HGD: variants seen among roughly 807,000 people sequenced by gnomAD.
HGD encodes the protein homogentisate oxidase.
HGD carries 61 observed loss-of-function variants against 60.8 expected under a neutral mutation model. The observed-to-expected ratio is 1.00, with a 90% CI of 0.82 to 1.24. The LOEUF (loss-of-function observed/expected upper bound fraction) is 1.24, where lower values mean the gene tolerates loss of function less well. HGD is among the 50% of genes most tolerant of loss of function. HGD has a pLI of 0.00. For missense variants in HGD, 542 were observed against 547.1 expected, an observed-to-expected ratio of 0.99 and a Z score of 0.09; for synonymous variants, 212 against 187.7, an observed-to-expected ratio of 1.13 and a Z score of -1.06.
chr3:120,634,190 A>C (rs1940684882), intron 12 of HGD, among the ~76,000 whole-genome samples: 1 of 152,148 alleles, frequency 6.6e-6, no homozygotes, highest in Admixed American at 6.5e-5. Flanking sequence ...ATTATTGAAG[A>C]GCTCTGTGTG....
At chr3:120,646,722 G>C (rs1393639963) in intron 8 of HGD, among the ~76,000 whole-genome samples, 1 of 151,742 alleles carries the variant, frequency 6.6e-6, no homozygotes, top group African/African-American at 2.4e-5. Context: ...CTTATCCAGA[G>C]TATATGTAAA....
chr3:120,679,186 T>C (rs1379698560), intron 1 of HGD, among the ~76,000 whole-genome samples: 3 of 152,220 alleles, frequency 2.0e-5, no homozygotes, highest in Admixed American at 6.5e-5. Flanking sequence ...AATTCTCACC[T>C]GGTCCCCAGG....
intron 1 of HGD, among the ~76,000 whole-genome samples, chr3:120,676,251 A>G (rs1402548903): frequency 6.6e-6 from 1 of 152,222 alleles, no homozygotes; most frequent in African/African-American, 2.4e-5. Flanking sequence ...AACCCTCTCC[A>G]AACTAGCCTT....
rs147860376 is a variant in HGD at position 120,677,422 on chromosome 3, G to A, written c.16-1559C>T. Among the ~76,000 whole-genome samples the A allele has an allele frequency of 4.8e-3, 729 of 152,158 alleles. 8 individuals are homozygous for A. The highest frequency in any genetic ancestry group is 0.017 in the African/African-American group (691 of 41,504). On this transcript the variant is annotated intron_variant, in intron 1 of 13. Coordinates refer to ENST00000283871, the MANE Select transcript of HGD (RefSeq NM_000187.4). ...TTATAAACAGCCCCCCTCCAGGTGC[G>A]CCTGTCTCTTATGGTCGAGACTGCA...
chr3:120,649,100 C>A (rs536414895), intron 6 of HGD, among the ~76,000 whole-genome samples: 1 of 150,532 alleles, frequency 6.6e-6, no homozygotes, highest in Non-Finnish European at 1.5e-5. Flanking sequence ...TTCACAGGTC[C>A]ATTCTAAAGG....
At chr3:120,638,407 T>C in intron 12 of HGD, 48 bp downstream of exon 12, 1 of 1,611,996 alleles carries the variant, frequency 6.2e-7, no homozygotes, top group East Asian at 2.2e-5. Flanking sequence ...CTCACTGCTT[T>C]GTTGTCTCTT....
At chr3:120,670,644 A>G (rs17140269) in intron 3 of HGD, 112 bp from the exon 4 acceptor site, 309,262 of 750,350 alleles carry the variant, frequency 0.41, 66,572 homozygotes, top group African/African-American at 0.61. Context: ...AACGACCTGT[A>G]GGCTCTAATG....
intron 11 of HGD, 40 bp from the exon 12 acceptor site, chr3:120,638,621 G>A: frequency 1.2e-6 from 2 of 1,611,646 alleles, no homozygotes; most frequent in Non-Finnish European, 8.5e-7. Context: ...ATGATGCAAG[G>A]GAAGTGACTG....
chr3:120,663,937 A>G (rs1037414021), intron 4 of HGD, among the ~76,000 whole-genome samples: 9 of 77,830 alleles, frequency 1.2e-4, no homozygotes, highest in Non-Finnish European at 2.3e-4. Flanking sequence ...TATATATGTA[A>G]CTGATTTTTT....
chr3:120,662,132 G>A (rs1253630724), intron 4 of HGD, among the ~76,000 whole-genome samples: 2 of 152,176 alleles, frequency 1.3e-5, no homozygotes, highest in Non-Finnish European at 2.9e-5. Flanking sequence ...TGAGTGGAGA[G>A]TCTGAAAGGC....
At chr3:120,629,974 C>T (rs1940532364) in intron 13 of HGD, among the ~76,000 whole-genome samples, 1 of 152,142 alleles carries the variant, frequency 6.6e-6, no homozygotes, top group Admixed American at 6.5e-5. Flanking sequence ...TTCCTATACA[C>T]CAACAACAGT....
chr3:120,681,336 A>T (rs1456929022), intron 1 of HGD, among the ~76,000 whole-genome samples: 2 of 152,216 alleles, frequency 1.3e-5, no homozygotes, highest in Non-Finnish European at 2.9e-5. Flanking sequence ...GGTTTTAGAT[A>T]TTAGGGACAT....
chr3:120,649,644 G>A (rs1463962370), intron 6 of HGD, among the ~76,000 whole-genome samples: 2 of 152,136 alleles, frequency 1.3e-5, no homozygotes, highest in African/African-American at 2.4e-5. Context: ...TGAAGAGAAA[G>A]GGCATTTTGT....
At chr3:120,643,834 G>C (rs1559786528) in intron 10 of HGD, among the ~76,000 whole-genome samples, 1 of 152,104 alleles carries the variant, frequency 6.6e-6, no homozygotes, top group African/African-American at 2.4e-5. Flanking sequence ...TGCCAGCCTG[G>C]TGGTACAAAC....
intron 1 of HGD, among the ~76,000 whole-genome samples, chr3:120,676,519 A>C (rs1708134152): frequency 6.6e-6 from 1 of 152,140 alleles, no homozygotes; most frequent in Non-Finnish European, 1.5e-5. Flanking sequence ...AACACTCAAC[A>C]CACTTGTGAG....
chr3:120,663,120 T>G (rs1417505449), intron 4 of HGD, among the ~76,000 whole-genome samples: 3 of 152,190 alleles, frequency 2.0e-5, no homozygotes, highest in Non-Finnish European at 4.4e-5. Context: ...CCCAGTATCT[T>G]TTTGTTATGA....
At chr3:120,641,516 T>C in intron 11 of HGD, 73 bp downstream of exon 11, 2 of 879,054 alleles carry the variant, frequency 2.3e-6, no homozygotes, top group South Asian at 2.6e-5. Context: ...TCTGTAAATG[T>C]CAGGGGTCTA....
intron 10 of HGD, among the ~76,000 whole-genome samples, chr3:120,643,461 C>G (rs1007670170): frequency 6.6e-6 from 1 of 152,184 alleles, no homozygotes; most frequent in East Asian, 1.9e-4. Flanking sequence ...TTGAGGATTT[C>G]TGATGCAAAT....
chr3:120,646,265 A>G lies in HGD; in HGVS notation c.649+2T>C, dbSNP rs1057516307. On this transcript the variant is annotated splice_donor_variant, in intron 9 of 13. Coordinates refer to ENST00000283871, the MANE Select transcript of HGD (RefSeq NM_000187.4). LOFTEE classifies it high-confidence loss of function. ...GCTTAGAGGCTTGTAATGAAGATTT[A>G]CCAATTGGTCCAAGGTCAGGTAACT... The G allele has an allele frequency of 1.3e-6, 2 of 1,572,392 alleles. No homozygotes were observed. Among genetic ancestry groups the G allele is most frequent in the Non-Finnish European group, 8.8e-7 (1 of 1,142,002 alleles).
Sources: allele counts gnomAD v4.1 joint callset (sites outside exome capture counted in the v4.1 genomes callset), GRCh38; gene constraint gnomAD v4.1.1; transcripts MANE v1.5; gene names NCBI Gene and HGNC (gene_info 2026-07-23, HGNC 2026-07-21).